CLIP2: variants seen among roughly 807,000 people sequenced by gnomAD.
CLIP2 encodes the protein CAP-Gly domain containing linker protein 2, also known as CAP-Gly domain-containing linker protein 2.
A neutral mutation model predicts 111.7 loss-of-function variants in CLIP2; 41 were observed. The observed-to-expected ratio is 0.37, with a 90% CI of 0.29 to 0.48. The LOEUF is 0.48. Among genes scored for constraint, CLIP2 ranks in the 20% least tolerant of loss-of-function variants. The probability of loss-of-function intolerance (pLI) is 0.99; values close to 1 mark genes in which losing one functional copy is unlikely to be tolerated. For missense variants in CLIP2, 1,160 were observed against 1,422.1 expected (o/e 0.82, Z 2.96); for synonymous variants, 660 against 644.2 (o/e 1.02, Z -0.37).
chr7:74,317,724 C>T (rs1554729339), intron 2 of CLIP2, 57 bp downstream of exon 2: 3 of 1,363,502 alleles, frequency 2.2e-6, no homozygotes, highest in Non-Finnish European at 2.9e-6. Context: ...GATGAGTGTT[C>T]TTCTGGAAGA....
chr7:74,337,806 G>A (rs1554732400), intron 2 of CLIP2, among the ~76,000 whole-genome samples: 1 of 152,014 alleles, frequency 6.6e-6, no homozygotes, highest in African/African-American at 2.4e-5. Context: ...ATATTGGTCA[G>A]GCTGGTCTTG....
Position 74,391,205 on chromosome 7 carries a change from G to C in CLIP2, c.2720+1946G>C, listed in dbSNP as rs143697268. On this transcript the variant is annotated intron_variant, in intron 13 of 16. Transcript: ENST00000223398. ...TCCATCTTTGCAATTTGCTCTTTTG[G>C]TTGAACTATGTTCTAAAAATCTGAT... 7.7e-3 allele frequency among the ~76,000 whole-genome samples: 1,178 copies of C among 152,158 alleles called. 17 individuals are homozygous for C. The highest frequency in any genetic ancestry group is 0.025 in the African/African-American group (1,058 of 41,536).
At chr7:74,299,366 A>AATAAATAAATAAATAAAGGC (rs782805987) in intron 1 of CLIP2, among the ~76,000 whole-genome samples, 2 of 141,898 alleles carry the variant, frequency 1.4e-5, no homozygotes, top group Non-Finnish European at 3.1e-5. Context: ...TAAATAAATA[A>AATAAATAAATAAATAAAGGC]AGGCCCTGCC....
chr7:74,317,610 C>T lies in CLIP2; in HGVS notation c.64C>T (p.Arg22Trp), dbSNP rs1554729296. 9 of 1,524,526 alleles carry T rather than the reference C, an allele frequency of 5.9e-6. No homozygotes were observed. The highest frequency in any genetic ancestry group is 5.1e-5 in the East Asian group (2 of 39,298). The allele number at this position is 1,524,526 out of a possible 1,614,324, so 94.4% of individuals were successfully genotyped here. ...RGGKHSSPMGRTSTGSASSSA... is the reference protein window; with the variant it reads ...RGGKHSSPMGWTSTGSASSSA... ...GGGGAAGCACTCCAGCCCCATGGGCCGGACATCTACTGGGTCAGCTTCATC... is the reference window on the plus strand; with the variant it reads ...GGGGAAGCACTCCAGCCCCATGGGCTGGACATCTACTGGGTCAGCTTCATC... The change falls in exon 2 of 17, where the codon CGG becomes TGG. Residue 22 changes from arginine (R) to tryptophan (W), a missense_variant. This residue lies in a region of CLIP2 where 301 missense variants were observed against 315.2 expected (regional missense o/e 0.96). Coordinates refer to ENST00000223398, the MANE Select transcript of CLIP2 (RefSeq NM_003388.5).
At chr7:74,359,570 T>G (rs565400791) in intron 6 of CLIP2, among the ~76,000 whole-genome samples, 3 of 151,970 alleles carry the variant, frequency 2.0e-5, no homozygotes, top group Non-Finnish European at 4.4e-5. Flanking sequence ...TTAGCCAGGA[T>G]GGTCTCAATC....
intron 1 of CLIP2, among the ~76,000 whole-genome samples, chr7:74,297,686 T>A (rs782446640): frequency 5.9e-5 from 9 of 152,086 alleles, no homozygotes; most frequent in African/African-American, 9.7e-5. Flanking sequence ...GGAATGTTGA[T>A]CTGCTTCTCT....
At position 74,368,714 on chromosome 7, in the gene CLIP2, C is replaced by G. The variant is rs981010577; in HGVS notation, c.1381-4218C>G. On this transcript the variant is annotated intron_variant, in intron 8 of 16. Transcript: ENST00000223398. ...CCAAAGTCCATTCTCCACACTGAAT[C>G]TAGTCTTTTTTAAAAATATCGTTTT... 7.2e-5 allele frequency among the ~76,000 whole-genome samples: 11 copies of G among 152,194 alleles called. No individual in the cohort carries two copies. The East Asian group carries it at 2.1e-3, about 29-fold the overall frequency.
chr7:74,291,627 C>T (rs1170554822), intron 1 of CLIP2, among the ~76,000 whole-genome samples: 1 of 152,216 alleles, frequency 6.6e-6, no homozygotes, highest in Non-Finnish European at 1.5e-5. Context: ...TGCTGCCGTA[C>T]AGAGTGGCTT....
At chr7:74,336,169 G>A (rs974987171) in intron 2 of CLIP2, among the ~76,000 whole-genome samples, 3 of 152,004 alleles carry the variant, frequency 2.0e-5, no homozygotes, top group African/African-American at 4.8e-5. Context: ...CTGGGTTCAA[G>A]CAATTCTCCT....
chr7:74,323,765 C>T lies in CLIP2; in HGVS notation c.121+6098C>T, dbSNP rs140932863. 2.0e-3 allele frequency among the ~76,000 whole-genome samples: 297 copies of T among 152,260 alleles called. 1 individual carries two copies. The highest frequency in any genetic ancestry group is 3.9e-3 in the African/African-American group (162 of 41,576). On this transcript the variant is annotated intron_variant, in intron 2 of 16. Coordinates refer to ENST00000223398, the MANE Select transcript of CLIP2 (RefSeq NM_003388.5). The stretch of plus-strand genomic sequence containing the variant: ...TTATGTTCAGATGTACAAACACTTC[C>T]CCTCGTGTTACAGTTGCCTTCAGCA...
intron 3 of CLIP2, among the ~76,000 whole-genome samples, chr7:74,339,933 AT>A (rs1554305069): frequency 6.6e-6 from 1 of 151,836 alleles, no homozygotes; most frequent in Non-Finnish European, 1.5e-5. Context: ...ACAAAAAAAA[AT>A]ACAAACAAAA....
chr7:74,315,083 C>T (rs1464826937), intron 1 of CLIP2, among the ~76,000 whole-genome samples: 1 of 151,966 alleles, frequency 6.6e-6, no homozygotes, highest in Non-Finnish European at 1.5e-5. Flanking sequence ...TGAGAGCAGT[C>T]TGGCCAACAT....
chr7:74,351,921 A>T (rs1790014281), intron 3 of CLIP2, among the ~76,000 whole-genome samples: 1 of 152,208 alleles, frequency 6.6e-6, no homozygotes, highest in African/African-American at 2.4e-5. Context: ...GGGGATCCAG[A>T]AAACAGGAGC....
At chr7:74,370,176 T>C (rs1554311593) in intron 8 of CLIP2, among the ~76,000 whole-genome samples, 1 of 105,932 alleles carries the variant, frequency 9.4e-6, no homozygotes, top group Non-Finnish European at 2.0e-5. Flanking sequence ...AAAAAAAAAA[T>C]CCAGGCACGG....
intron 1 of CLIP2, among the ~76,000 whole-genome samples, chr7:74,311,713 C>T (rs1398637725): frequency 6.6e-6 from 1 of 151,438 alleles, no homozygotes; most frequent in Admixed American, 6.6e-5. Flanking sequence ...AGTTTGAGAC[C>T]AGCCTGGGCA....
intron 6 of CLIP2, among the ~76,000 whole-genome samples, chr7:74,357,934 T>G (rs559809057): frequency 1.3e-5 from 2 of 151,448 alleles, no homozygotes; most frequent in Non-Finnish European, 2.9e-5. Context: ...TTTTTGTACT[T>G]TTAGTAGAGA....
chr7:74,328,207 G>A (rs563994769), intron 2 of CLIP2, among the ~76,000 whole-genome samples: 1 of 152,292 alleles, frequency 6.6e-6, no homozygotes, highest in Admixed American at 6.5e-5. Context: ...AAACAGGTTG[G>A]GGTGGACCCA....
Position 74,376,487 on chromosome 7 carries a change from C to T in CLIP2, c.2086C>T (p.Leu696=). The T allele has an allele frequency of 6.2e-7, 1 of 1,612,530 alleles. No homozygotes were observed. ...REKLQEAQEE[L]AGLQRHWRAQ... Reference sequence around the variant, plus strand: ...GAAGCTGCAGGAGGCCCAGGAGGAGCTGGCTGGGCTGCAGCGGCACTGGCG... The same window carrying T: ...GAAGCTGCAGGAGGCCCAGGAGGAGTTGGCTGGGCTGCAGCGGCACTGGCG... Residue 696 remains leucine (L), a synonymous_variant, in exon 10 of 17, where the codon CTG becomes TTG. Transcript: ENST00000223398. This position sits in a 1 kb window ranked among gnomAD's most constrained non-coding sequence, Gnocchi z 7.1.
chr7:74,321,464 T>TTTA (rs1335439398), intron 2 of CLIP2, among the ~76,000 whole-genome samples: 2 of 151,898 alleles, frequency 1.3e-5, no homozygotes, highest in East Asian at 1.9e-4. Flanking sequence ...CTTTATTTTA[T>TTTA]TTATTATTAT....
Sources: gnomAD v4.1 joint callset for allele counts (sites outside exome capture counted in the v4.1 genomes callset) on GRCh38, gnomAD v4.1.1 for gene constraint, gnomAD v4.1.1 regional missense constraint, Gnocchi (gnomAD v3.1) non-coding constraint, MANE v1.5 for transcripts, NCBI Gene and HGNC (gene_info 2026-07-23, HGNC 2026-07-21) for gene names.